SPON1: variants seen among roughly 807,000 people sequenced by gnomAD.
SPON1 encodes spondin 1.
SPON1 carries 52 observed loss-of-function variants against 111.7 expected under a neutral mutation model. That is an observed-to-expected ratio of 0.47 (90% CI 0.37 to 0.59). The LOEUF (loss-of-function observed/expected upper bound fraction) is 0.59, where lower values mean the gene tolerates loss of function less well. Among genes scored for constraint, SPON1 ranks in the 20% least tolerant of loss-of-function variants. The pLI is 0.00. For missense variants in SPON1, 957 were observed against 1,068.5 expected, an observed-to-expected ratio of 0.90 and a Z score of 1.46; for synonymous variants, 410 against 395.8, an observed-to-expected ratio of 1.04 and a Z score of -0.43.
At position 14,262,967 on chromosome 11, in the gene SPON1, A is replaced by G; in HGVS notation, c.2252A>G (p.Gln751Arg). Reference protein sequence around the residue: ...EQLKEESEGEQFPGCRMRPWT... With the variant: ...EQLKEESEGERFPGCRMRPWT... ...CTGAAGGAAGAGTCTGAAGGGGAGC[A>G]GTTCCCAGGTATGGCTCCCAAGTGT... The change falls in exon 15 of 16, where the codon CAG becomes CGG. Residue 751 changes from glutamine (Q) to arginine (R), a missense_variant. Gln to Arg is a conservative substitution (Grantham distance 43). Transcript: ENST00000576479. 1.9e-6 allele frequency: 3 copies of G among 1,612,542 alleles called. No individual in the cohort carries two copies. The highest frequency in any genetic ancestry group is 1.3e-5 in the African/African-American group (1 of 74,802).
chr11:14,214,730 G>A (rs1848609619), intron 6 of SPON1, among the ~76,000 whole-genome samples: 2 of 152,154 alleles, frequency 1.3e-5, no homozygotes, highest in African/African-American at 4.8e-5. Flanking sequence ...GGATAAATCA[G>A]CCAGAGTGAC....
At chr11:14,206,313 C>T (rs1406737423) in intron 6 of SPON1, among the ~76,000 whole-genome samples, 1 of 152,130 alleles carries the variant, frequency 6.6e-6, no homozygotes, top group Non-Finnish European at 1.5e-5. Flanking sequence ...TCTGCCTCAG[C>T]CTCCCAAGAA....
chr11:13,974,231 T>C (rs945833881), intron 1 of SPON1, among the ~76,000 whole-genome samples: 2 of 152,152 alleles, frequency 1.3e-5, no homozygotes, highest in African/African-American at 4.8e-5. Context: ...TATAACTCCA[T>C]GTTATAAGTT....
At chr11:14,187,919 T>A (rs766366765) in intron 6 of SPON1, among the ~76,000 whole-genome samples, 35 of 152,160 alleles carry the variant, frequency 2.3e-4, no homozygotes, top group Non-Finnish European at 4.0e-4. Context: ...GTAGCTGGGA[T>A]TACAGGCATG....
At chr11:14,197,352 C>T (rs1429703724) in intron 6 of SPON1, among the ~76,000 whole-genome samples, 1 of 152,102 alleles carries the variant, frequency 6.6e-6, no homozygotes, top group Non-Finnish European at 1.5e-5. Flanking sequence ...TTACGGGCCC[C>T]ACTTTGCCCT....
In SPON1 at chr11:14,265,392, G is replaced by A. The variant is rs1206916474; in HGVS notation, c.2261-132G>A. ...ATACGACCTAACTGTCCCTAATAAC[G>A]ACTCTAACCAATCATTACATACTTG... On this transcript the variant is annotated intron_variant, in intron 15 of 15. Coordinates refer to ENST00000576479, the MANE Select transcript of SPON1 (RefSeq NM_006108.4). The A allele has an allele frequency of 1.0e-5, 11 of 1,061,708 alleles. No homozygotes were observed. The African/African-American group carries it at 1.1e-4, about 11-fold the overall frequency. 65.8% of individuals were successfully genotyped at this position (1,061,708 alleles called of 1,614,324 possible). A position where few individuals can be genotyped will look rare whatever the true frequency, so the allele number is the denominator to read the frequency against.
At chr11:14,146,082 G>A (rs572544553) in intron 6 of SPON1, among the ~76,000 whole-genome samples, 1 of 151,184 alleles carries the variant, frequency 6.6e-6, no homozygotes, top group African/African-American at 2.4e-5. Context: ...GAACTGAAAG[G>A]TTCATTCACA....
In SPON1 at chr11:14,266,396, A is replaced by G. The variant is rs976124713; in HGVS notation, c.*709A>G. 3 of 152,128 alleles carry G rather than the reference A, an allele frequency of 2.0e-5. No individual in the cohort carries two copies. Among genetic ancestry groups the G allele is most frequent in the Non-Finnish European group, 2.9e-5 (2 of 68,036 alleles). The allele number at this position is 152,128 out of a possible 1,614,324, so 9.4% of individuals were successfully genotyped here. A position where few individuals can be genotyped will look rare whatever the true frequency, so the allele number is the denominator to read the frequency against. On this transcript the variant is annotated 3_prime_UTR_variant, in exon 16 of 16. Coordinates refer to ENST00000576479, the MANE Select transcript of SPON1 (RefSeq NM_006108.4). ...AGTTTTTACACCTGAGATAAATAAT[A>G]AGCTTAGAGTGTATTTTTCCCTTGC... is the stretch of plus-strand genomic sequence containing the variant.
chr11:14,154,354 T>C (rs10832206), intron 6 of SPON1, among the ~76,000 whole-genome samples: 62,482 of 151,966 alleles, frequency 0.41, 12,956 homozygotes, highest in East Asian at 0.55. Context: ...AGCCTCAACT[T>C]TTGCCACCTG....
intron 1 of SPON1, among the ~76,000 whole-genome samples, chr11:13,977,570 G>A (rs1382322257): frequency 6.6e-6 from 1 of 152,040 alleles, no homozygotes; most frequent in Non-Finnish European, 1.5e-5. Flanking sequence ...AGTTCTTTAT[G>A]TATTTTAGAT....
At chr11:14,080,572 A>G (rs2697833) in intron 5 of SPON1, among the ~76,000 whole-genome samples, 114,787 of 151,998 alleles carry the variant, frequency 0.76, 45,023 homozygotes, top group East Asian at 1. Flanking sequence ...AAATATTCCC[A>G]AAGTCATGCT....
chr11:14,057,170 AAAGC>A (rs1848751230), intron 3 of SPON1, among the ~76,000 whole-genome samples: 1 of 152,222 alleles, frequency 6.6e-6, no homozygotes, highest in Non-Finnish European at 1.5e-5. Flanking sequence ...AAAAGGGAGA[AAAGC>A]AAGAACTTTA....
At chr11:14,178,481 G>A (rs1554933354) in intron 6 of SPON1, among the ~76,000 whole-genome samples, 3 of 150,826 alleles carry the variant, frequency 2.0e-5, no homozygotes, top group Non-Finnish European at 1.5e-5. Flanking sequence ...CTTGGTCTCA[G>A]TTTTCAACCA....
At chr11:14,163,479 C>T (rs1317877531) in intron 6 of SPON1, among the ~76,000 whole-genome samples, 1 of 152,114 alleles carries the variant, frequency 6.6e-6, no homozygotes, top group Non-Finnish European at 1.5e-5. Flanking sequence ...CAGTCAGCCT[C>T]CCTAAACTCA....
chr11:14,000,388 T>G (rs1848307756), intron 2 of SPON1, among the ~76,000 whole-genome samples: 2 of 152,168 alleles, frequency 1.3e-5, no homozygotes, highest in Non-Finnish European at 2.9e-5. Flanking sequence ...TCATCTGACT[T>G]ATCAGCCCCA....
chr11:13,979,621 G>C (rs1554909371), intron 1 of SPON1, among the ~76,000 whole-genome samples: 2 of 152,094 alleles, frequency 1.3e-5, no homozygotes. Flanking sequence ...AGTGTAAAGT[G>C]CCTCTAAGAA....
chr11:14,063,540 G>A (rs565508273), intron 3 of SPON1, among the ~76,000 whole-genome samples: 1 of 152,058 alleles, frequency 6.6e-6, no homozygotes, highest in East Asian at 1.9e-4. Flanking sequence ...CTTACATATG[G>A]TCTCATGCTG....
chr11:14,151,853 CA>C (rs1454059105), intron 6 of SPON1, among the ~76,000 whole-genome samples: 2 of 152,182 alleles, frequency 1.3e-5, no homozygotes, highest in Non-Finnish European at 2.9e-5. Flanking sequence ...AACATTATAA[CA>C]TGTCCTTTTG....
At chr11:14,254,762 C>T (rs782028429) in intron 8 of SPON1, 33 bp downstream of exon 8, 135 of 1,597,674 alleles carry the variant, frequency 8.4e-5, no homozygotes, top group Non-Finnish European at 1.1e-4. Flanking sequence ...GTGAGTGGCT[C>T]CTTGCCTACC....
Sources: allele counts gnomAD v4.1 joint callset (sites outside exome capture counted in the v4.1 genomes callset), GRCh38; gene constraint gnomAD v4.1.1; transcripts MANE v1.5; gene names NCBI Gene and HGNC (gene_info 2026-07-23, HGNC 2026-07-21).